PDXDC1: variants seen among roughly 807,000 people sequenced by gnomAD.
PDXDC1 encodes the protein pyridoxal dependent decarboxylase domain containing 1, also known as pyridoxal-dependent decarboxylase domain-containing protein 1.
PDXDC1 carries 42 observed loss-of-function variants against 100.1 expected under a neutral mutation model. The observed-to-expected ratio is 0.42, with a 90% CI of 0.33 to 0.54. The LOEUF is 0.54. PDXDC1 is among the 20% of genes least tolerant of loss of function. The probability of loss-of-function intolerance (pLI) is 0.10; values close to 1 mark genes in which losing one functional copy is unlikely to be tolerated. For synonymous variants in PDXDC1, 260 were observed against 371.7 expected (o/e 0.70, Z 3.46); for missense variants, 636 against 979.2 (o/e 0.65, Z 4.68).
At chr16:15,003,215 T>C (rs1472860642) in intron 4 of PDXDC1, among the ~76,000 whole-genome samples, 1 of 147,708 alleles carries the variant, frequency 6.8e-6, no homozygotes, top group Non-Finnish European at 1.5e-5. Context: ...GAGATTTAAT[T>C]CTTTTTTTTT....
chr16:14,983,179 C>T lies in PDXDC1; in HGVS notation c.21+7959C>T, dbSNP rs376738500. On this transcript the variant is annotated intron_variant, in intron 1 of 22. Coordinates refer to ENST00000396410, the MANE Select transcript of PDXDC1 (RefSeq NM_015027.4). ...TCCTGAAAAAAAAACTTTGTTGAAA[C>T]GAAAGTATTATATACTTCTAGCATT... Among the ~76,000 whole-genome samples, 30 of 152,224 alleles carry T rather than the reference C, an allele frequency of 2.0e-4. 2 individuals carry two copies. Among genetic ancestry groups the T allele is most frequent in the Admixed American group, 1.2e-3 (18 of 15,286 alleles).
chr16:15,055,562 C>A (rs191529736), intron 16 of PDXDC1, among the ~76,000 whole-genome samples: 5 of 152,244 alleles, frequency 3.3e-5, no homozygotes. Flanking sequence ...ACGGACCCAG[C>A]CCTATGGGGG....
At chr16:15,091,814 A>G (rs2046140008) in intron 16 of PDXDC1, among the ~76,000 whole-genome samples, 1 of 152,190 alleles carries the variant, frequency 6.6e-6, no homozygotes, top group African/African-American at 2.4e-5. Flanking sequence ...AACTACCACA[A>G]AAACAAAAAT....
In PDXDC1 at chr16:15,051,164, A is replaced by G. The variant is rs562152518; in HGVS notation, c.1399+21108A>G. Among the ~76,000 whole-genome samples, 21 of 152,372 alleles carry G rather than the reference A, an allele frequency of 1.4e-4. No homozygotes were observed. In the South Asian group the frequency reaches 2.3e-3, roughly 17 times the overall value. On this transcript the variant is annotated intron_variant, in intron 16 of 16. Coordinates refer to the PDXDC1 transcript ENST00000535621. ...AGGGAGGGCGCAAAGGCGAATTTTT[A>G]ACACTCATGTTCACAATTGGGTCAC...
chr16:15,135,176 G>A (rs991925610), intron 16 of PDXDC1: 9 of 851,210 alleles, frequency 1.1e-5, no homozygotes, highest in Non-Finnish European at 1.3e-5. Context: ...AAACAGAGAG[G>A]GAAGAGCGCG....
chr16:15,140,400 C>T (rs1183444405), downstream of PDXDC1, among the ~76,000 whole-genome samples: 9 of 145,602 alleles, frequency 6.2e-5, no homozygotes, highest in African/African-American at 1.0e-4. Flanking sequence ...GCTGAGATCG[C>T]GCCCCTGCAC....
chr16:15,072,708 G>A (rs558237785), intron 16 of PDXDC1, among the ~76,000 whole-genome samples: 2 of 152,208 alleles, frequency 1.3e-5, no homozygotes, highest in East Asian at 1.9e-4. Flanking sequence ...AGGACTGAGA[G>A]TCCGTTGAGC....
intron 1 of PDXDC1, among the ~76,000 whole-genome samples, chr16:14,991,700 T>C (rs1232308007): frequency 6.6e-6 from 1 of 152,240 alleles, no homozygotes. Flanking sequence ...TTTTGTATTT[T>C]TTGTAGAGAC....
At chr16:14,981,019 A>C (rs1208634612) in intron 1 of PDXDC1, among the ~76,000 whole-genome samples, 5 of 152,292 alleles carry the variant, frequency 3.3e-5, no homozygotes, top group Non-Finnish European at 5.9e-5. Flanking sequence ...CTGGTAAGGG[A>C]GTATACTTTT....
chr16:15,038,326 G>T lies in PDXDC1; in HGVS notation c.*2051G>T, dbSNP rs1016694168. 2.6e-6 allele frequency: 2 copies of T among 772,402 alleles called. No homozygotes were observed. Among genetic ancestry groups the T allele is most frequent in the Non-Finnish European group, 2.0e-6 (1 of 488,862 alleles). The allele number at this position is 772,402 out of a possible 1,614,324, so 47.8% of individuals were successfully genotyped here. A position where few individuals can be genotyped will look rare whatever the true frequency, so the allele number is the denominator to read the frequency against. ...AAATATATATAATAAAATACGTTAA[G>T]AAATGAGGTGGCCTGAATTAGTAAG... is the stretch of plus-strand genomic sequence containing the variant. On this transcript the variant is annotated 3_prime_UTR_variant, in exon 23 of 23. Transcript: ENST00000396410.
At chr16:15,052,786 T>C (rs1032103464) in intron 16 of PDXDC1, among the ~76,000 whole-genome samples, 4 of 151,868 alleles carry the variant, frequency 2.6e-5, no homozygotes, top group Non-Finnish European at 4.4e-5. Context: ...GATCGTGCCA[T>C]TGCACTCCAG....
chr16:15,061,023 G>A (rs990649634), intron 16 of PDXDC1: 1 of 152,158 alleles, frequency 6.6e-6, no homozygotes, highest in Non-Finnish European at 1.5e-5. Context: ...CTCCATTTTT[G>A]TCTTTTAAAT....
chr16:15,147,914 T>G, the PDXDC1 span, among the ~76,000 whole-genome samples: 4 of 152,200 alleles, frequency 2.6e-5, no homozygotes, highest in East Asian at 7.7e-4. Context: ...CACAAATTCC[T>G]GACCTTGTGA....
intron 3 of PDXDC1, among the ~76,000 whole-genome samples, chr16:14,999,515 C>T (rs370272999): frequency 2.5e-3 from 388 of 152,162 alleles, no homozygotes; most frequent in African/African-American, 8.9e-3. Context: ...TCGAGGCCAC[C>T]CTGAACAACA....
chr16:15,005,133 C>T (rs1427824254), intron 5 of PDXDC1, among the ~76,000 whole-genome samples: 8 of 152,318 alleles, frequency 5.3e-5, no homozygotes, highest in South Asian at 2.1e-4. Flanking sequence ...CTGAGGTGGG[C>T]GGATCACAAG....
intron 5 of PDXDC1, among the ~76,000 whole-genome samples, chr16:15,005,075 G>A (rs1402372279): frequency 1.3e-5 from 2 of 152,274 alleles, no homozygotes; most frequent in African/African-American, 4.8e-5. Flanking sequence ...AGAAAACTCT[G>A]AGGCCAGGCA....
chr16:15,151,844 G>A, the PDXDC1 span, among the ~76,000 whole-genome samples: 1 of 131,472 alleles, frequency 7.6e-6, no homozygotes, highest in East Asian at 2.1e-4. Context: ...GGCAGGAAAA[G>A]CGCTTGAACC....
chr16:15,150,431 G>A, the PDXDC1 span, among the ~76,000 whole-genome samples: 1 of 151,036 alleles, frequency 6.6e-6, no homozygotes, highest in Non-Finnish European at 1.5e-5. Context: ...TCGGGAGGCC[G>A]AGGCAAGCAG....
At chr16:15,066,759 T>A (rs1359061664) in intron 16 of PDXDC1, among the ~76,000 whole-genome samples, 2 of 150,956 alleles carry the variant, frequency 1.3e-5, no homozygotes, top group Non-Finnish European at 3.0e-5. Flanking sequence ...TATGGTTCAA[T>A]CTCAAAAGCA....
Sources: allele counts gnomAD v4.1 joint callset (sites outside exome capture counted in the v4.1 genomes callset), GRCh38; gene constraint gnomAD v4.1.1; transcripts MANE v1.5; gene names NCBI Gene and HGNC (gene_info 2026-07-23, HGNC 2026-07-21).